The following NBEA variants were observed in gnomAD, a reference collection of about 807,000 sequenced individuals.
NBEA encodes the protein neurobeachin, also known as lysosomal-trafficking regulator 2.
Under a neutral mutation model 343.4 loss-of-function variants are expected in NBEA, and 44 were observed. The ratio of observed to expected loss-of-function variants is 0.13; its 90% CI spans 0.10 to 0.16. The LOEUF (loss-of-function observed/expected upper bound fraction) is 0.16. Ranked by LOEUF, NBEA falls within the 10% of genes least tolerant of loss-of-function variation. The pLI, the probability that NBEA is intolerant of heterozygous loss-of-function variation, is 1.00. For synonymous variants in NBEA, 1,175 were observed against 1,238.7 expected, an observed-to-expected ratio of 0.95 and a Z score of 1.08; for missense variants, 2,555 against 3,631.3, an observed-to-expected ratio of 0.70 and a Z score of 7.62.
At position 35,286,983 on chromosome 13, in the gene NBEA, A is replaced by G. The variant is rs1363691520; in HGVS notation, c.5777-3406A>G. Among the ~76,000 whole-genome samples, 4 of 152,030 alleles carry G rather than the reference A, an allele frequency of 2.6e-5. No individual in the cohort carries two copies. In the East Asian group the frequency reaches 7.7e-4, roughly 29 times the overall value. ...GTCCAGCTAATTAATCTTCTCAAGT[A>G]CTTGTATCTTAGCCACTCAGTGAGC... On this transcript the variant is annotated intron_variant, in intron 34 of 58. Transcript: ENST00000379939.
intron 10 of NBEA, among the ~76,000 whole-genome samples, chr13:35,082,781 T>C (rs2064491501): frequency 6.6e-6 from 1 of 152,206 alleles, no homozygotes; most frequent in Non-Finnish European, 1.5e-5. Flanking sequence ...TTTTTTCTTG[T>C]AAATTTGTTT....
chr13:35,471,633 C>G (rs947695329), intron 40 of NBEA, among the ~76,000 whole-genome samples: 6 of 152,248 alleles, frequency 3.9e-5, no homozygotes, highest in Non-Finnish European at 5.9e-5. Context: ...TGAGGGAATT[C>G]GAAGCAAGCA....
At chr13:35,137,670 A>G (rs1395563241) in intron 17 of NBEA, among the ~76,000 whole-genome samples, 1 of 151,956 alleles carries the variant, frequency 6.6e-6, no homozygotes, top group African/African-American at 2.4e-5. Context: ...CTCCATAAAA[A>G]GATATCTAAT....
chr13:35,051,648 T>C (rs2063069495), intron 6 of NBEA, among the ~76,000 whole-genome samples: 1 of 152,040 alleles, frequency 6.6e-6, no homozygotes, highest in South Asian at 2.1e-4. Context: ...TCTTTTTTAA[T>C]ACAAATTGAT....
Position 35,275,695 on chromosome 13 carries a change from G to A in NBEA, c.5777-14694G>A, listed in dbSNP as rs573335255. ...CAACCCCATCAAAAAGTGGCCAAAGGATATCAACAGACATTTCTCAAAAGA... is the reference window on the plus strand; with the variant it reads ...CAACCCCATCAAAAAGTGGCCAAAGAATATCAACAGACATTTCTCAAAAGA... On this transcript the variant is annotated intron_variant, in intron 34 of 58. Coordinates refer to ENST00000379939, the MANE Select transcript of NBEA (RefSeq NM_001385012.1). 9.2e-5 allele frequency among the ~76,000 whole-genome samples: 14 copies of A among 152,140 alleles called. No individual in the cohort carries two copies. The East Asian group carries it at 2.7e-3, about 29-fold the overall frequency.
intron 11 of NBEA, among the ~76,000 whole-genome samples, chr13:35,105,762 C>T (rs1434045177): frequency 6.6e-6 from 1 of 151,952 alleles, no homozygotes; most frequent in African/African-American, 2.4e-5. Context: ...TGGAGCACAA[C>T]CTTGGAGTCC....
chr13:35,080,242 G>C (rs912500853), intron 10 of NBEA, among the ~76,000 whole-genome samples: 5 of 151,972 alleles, frequency 3.3e-5, no homozygotes, highest in Non-Finnish European at 7.4e-5. Flanking sequence ...TACAACTGTC[G>C]TACATATTAT....
chr13:35,510,188 C>T (rs2077222750), intron 41 of NBEA, among the ~76,000 whole-genome samples: 2 of 152,142 alleles, frequency 1.3e-5, no homozygotes, highest in South Asian at 2.1e-4. Flanking sequence ...ATTGAAAGAA[C>T]AATCCATGGA....
chr13:35,189,680 A>G (rs1464832280), intron 30 of NBEA, among the ~76,000 whole-genome samples: 1 of 152,088 alleles, frequency 6.6e-6, no homozygotes, highest in East Asian at 1.9e-4. Flanking sequence ...AGTTCTAAAC[A>G]TTACTTGTAA....
intron 1 of NBEA, among the ~76,000 whole-genome samples, chr13:34,964,255 A>C (rs2059751487): frequency 3.3e-5 from 5 of 151,950 alleles, no homozygotes; most frequent in Admixed American, 3.3e-4. Flanking sequence ...TGAGCTTTGG[A>C]TGTTTAAATA....
In NBEA at chr13:34,970,437, C is replaced by T. The variant is rs112447682; in HGVS notation, c.294+27323C>T. 6.3e-3 allele frequency among the ~76,000 whole-genome samples: 964 copies of T among 152,120 alleles called. 11 individuals carry two copies. Among genetic ancestry groups the T allele is most frequent in the African/African-American group, 0.022 (924 of 41,520 alleles). The stretch of plus-strand genomic sequence containing the variant: ...TTGTTGCAGTTGCTTTTGGTGTCTT[C>T]ATCATGAAATCTTTGCCCATGCCTA... On this transcript the variant is annotated intron_variant, in intron 1 of 58. Transcript: ENST00000379939.
intron 38 of NBEA, among the ~76,000 whole-genome samples, chr13:35,394,747 T>C (rs1423630009): frequency 6.6e-6 from 1 of 152,166 alleles, no homozygotes; most frequent in Admixed American, 6.6e-5. Flanking sequence ...TAATTCCTTG[T>C]GGTTTCTTCT....
In NBEA at chr13:35,475,608, G is replaced by A. The variant is rs146823976; in HGVS notation, c.6585+3072G>A. On this transcript the variant is annotated intron_variant, in intron 41 of 58. Transcript: ENST00000379939. Reference sequence around the variant, plus strand: ...GGGCAGCACTCCTCGGCCAGATCCCGGTGCATTTAAAGGCCGGCGTGATCT... The same window carrying A: ...GGGCAGCACTCCTCGGCCAGATCCCAGTGCATTTAAAGGCCGGCGTGATCT... The A allele has an allele frequency of 2.4e-5, 39 of 1,613,500 alleles. 1 individual carries two copies. The highest frequency in any genetic ancestry group is 3.3e-4 in the Middle Eastern group (2 of 6,084).
chr13:35,032,261 C>T (rs1191855231), intron 1 of NBEA, among the ~76,000 whole-genome samples: 3 of 151,810 alleles, frequency 2.0e-5, no homozygotes, highest in Non-Finnish European at 4.4e-5. Flanking sequence ...ATTTACACTC[C>T]CACCAACAGC....
intron 56 of NBEA, among the ~76,000 whole-genome samples, chr13:35,666,073 G>A (rs1156380956): frequency 1.3e-5 from 2 of 152,196 alleles, no homozygotes; most frequent in Non-Finnish European, 2.9e-5. Context: ...AGCCCTGGGT[G>A]CTGCTGGAGT....
intron 20 of NBEA, 77 bp downstream of exon 20, chr13:35,156,283 CAAATCTTTTCCATATTGCT>C: frequency 7.4e-7 from 1 of 1,359,304 alleles, no homozygotes; most frequent in Non-Finnish European, 9.8e-7. Flanking sequence ...CAATTCATTT[CAAATCTTTTCCATATTGCT>C]AAATACTTTT....
chr13:35,073,014 A>G (rs568918713), intron 10 of NBEA, among the ~76,000 whole-genome samples: 2 of 152,160 alleles, frequency 1.3e-5, no homozygotes, highest in African/African-American at 4.8e-5. Flanking sequence ...AGTATCCTAA[A>G]TATCTGAGAT....
At chr13:35,204,251 T>A (rs529350727) in intron 31 of NBEA, among the ~76,000 whole-genome samples, 2 of 152,162 alleles carry the variant, frequency 1.3e-5, no homozygotes, top group Non-Finnish European at 2.9e-5. Flanking sequence ...TAATGCCTGA[T>A]GATCTGTGAC....
At chr13:35,258,838 T>C (rs2032924958) in intron 34 of NBEA, among the ~76,000 whole-genome samples, 3 of 152,198 alleles carry the variant, frequency 2.0e-5, no homozygotes, top group African/African-American at 7.2e-5. Context: ...AAACTGTACT[T>C]CAGTACAGCA....
Sources: gnomAD v4.1 joint callset for allele counts (sites outside exome capture counted in the v4.1 genomes callset) on GRCh38, gnomAD v4.1.1 for gene constraint, MANE v1.5 for transcripts, NCBI Gene and HGNC (gene_info 2026-07-23, HGNC 2026-07-21) for gene names.